Variants in AHCY observed in about 807,000 individuals in gnomAD.
AHCY encodes the protein adenosylhomocysteinase, also known as S-adenosyl-L-homocysteine hydrolase.
AHCY carries 24 observed loss-of-function variants against 45.4 expected under a neutral mutation model. The ratio of observed to expected loss-of-function variants is 0.53; its 90% CI spans 0.38 to 0.74. The LOEUF is 0.74. AHCY is among the 30% of genes least tolerant of loss of function. AHCY has a pLI of 0.00. For missense variants in AHCY, 449 were observed against 594.1 expected, an observed-to-expected ratio of 0.76 and a Z score of 2.54; for synonymous variants, 245 against 235.1, an observed-to-expected ratio of 1.04 and a Z score of -0.39.
chr20:34,241,534 G>T, the AHCY span: 1 of 985,404 alleles, frequency 1.0e-6, no homozygotes, highest in Non-Finnish European at 1.2e-6. Context: ...GAGTGAAGCT[G>T]CTGCTACTTT....
At position 34,290,198 on chromosome 20, in the gene AHCY, GCT is replaced by G; in HGVS notation, c.972+132_972+133del. ...AGGATAAGGTTGCCACGTCTGGCTG[GCT>G]CTGATGCTAGGCCCTCTTCTCCCCA... On this transcript the variant is annotated intron_variant, in intron 8 of 9. Coordinates refer to ENST00000217426, the MANE Select transcript of AHCY (RefSeq NM_000687.4). This position sits in a 1 kb window ranked among gnomAD's most constrained non-coding sequence, Gnocchi z 4.5. 1 of 885,390 alleles carries G rather than the reference GCT, an allele frequency of 1.1e-6. No homozygotes were observed. Among genetic ancestry groups the G allele is most frequent in the Non-Finnish European group, 1.9e-6 (1 of 530,124 alleles). The allele number at this position is 885,390 out of a possible 1,614,324, so 54.8% of individuals were successfully genotyped here.
rs528463763 is a variant in AHCY at position 34,294,274 on chromosome 20, G to A, written c.220-118C>T. ...GGGAGAGGCTTGGGATCTAGGCACA[G>A]CAAGCTCTAGGATCACAGGCTGGGG... On this transcript the variant is annotated intron_variant, in intron 2 of 9. Coordinates refer to ENST00000217426, the MANE Select transcript of AHCY (RefSeq NM_000687.4). The A allele has an allele frequency of 3.3e-6, 3 of 907,656 alleles. No homozygotes were observed. The East Asian group carries it at 7.9e-5, about 24-fold the overall frequency. 56.2% of individuals were successfully genotyped at this position (907,656 alleles called of 1,614,324 possible).
chr20:34,237,845 G>GT, the AHCY span, among the ~76,000 whole-genome samples: 54 of 151,124 alleles, frequency 3.6e-4, no homozygotes, highest in East Asian at 7.8e-4. Context: ...TTTGTGGAGT[G>GT]TTTTTTTTTA....
intron 8 of AHCY, 120 bp from the exon 9 acceptor site, chr20:34,285,754 A>G: frequency 1.9e-6 from 2 of 1,054,432 alleles, no homozygotes; most frequent in Non-Finnish European, 2.8e-6. Context: ...CTGCTCCAAA[A>G]CAACCTCCAG....
upstream of AHCY, among the ~76,000 whole-genome samples, chr20:34,305,159 CAA>C (rs528737503): frequency 1.8e-5 from 2 of 109,348 alleles, no homozygotes; most frequent in South Asian, 3.0e-4. Flanking sequence ...ACTAAAAATA[CAA>C]AAAAAAAAAA....
At chr20:34,275,945 C>T (rs1160463118), downstream of AHCY, among the ~76,000 whole-genome samples, 1 of 152,020 alleles carries the variant, frequency 6.6e-6, no homozygotes, top group Admixed American at 6.6e-5. Context: ...CCCACCTTGG[C>T]CTCCCAAAGT....
chr20:34,308,887 C>A (rs967062891), intron 1 of AHCY, among the ~76,000 whole-genome samples: 5 of 151,290 alleles, frequency 3.3e-5, no homozygotes, highest in Non-Finnish European at 7.4e-5. Flanking sequence ...CTTCTGAGCC[C>A]AGGTGATCTG....
chr20:34,232,300 G>A, the AHCY span, among the ~76,000 whole-genome samples: 2 of 152,202 alleles, frequency 1.3e-5, no homozygotes, highest in Non-Finnish European at 2.9e-5. Flanking sequence ...TCTATAAGAT[G>A]AGGAGGAGCA....
chr20:34,302,105 G>A (rs2036795261), intron 1 of AHCY: 1 of 506,630 alleles, frequency 2.0e-6, no homozygotes, highest in Non-Finnish European at 2.5e-6. Context: ...GGCTCAAACA[G>A]TCCTCCTGCC....
chr20:34,251,874 G>A, the AHCY span, among the ~76,000 whole-genome samples: 4 of 152,066 alleles, frequency 2.6e-5, no homozygotes, highest in African/African-American at 4.8e-5. Flanking sequence ...ACTAGATATC[G>A]AATCTGCCTG....
the AHCY span, among the ~76,000 whole-genome samples, chr20:34,260,038 T>C: frequency 6.6e-6 from 1 of 152,006 alleles, no homozygotes; most frequent in African/African-American, 2.4e-5. Flanking sequence ...TGGGGTCTCC[T>C]GGGGCCACAG....
the AHCY span, among the ~76,000 whole-genome samples, chr20:34,272,416 C>CT: frequency 4.0e-4 from 61 of 152,338 alleles, no homozygotes; most frequent in African/African-American, 1.4e-3. Context: ...AATTCCAACA[C>CT]TATCTACTTG....
chr20:34,264,636 A>G, the AHCY span, among the ~76,000 whole-genome samples: 2 of 152,140 alleles, frequency 1.3e-5, no homozygotes, highest in African/African-American at 4.8e-5. Context: ...TTTCAGACAG[A>G]CAATACATCT....
the AHCY span, among the ~76,000 whole-genome samples, chr20:34,242,150 TG>T: frequency 6.6e-6 from 1 of 152,124 alleles, no homozygotes; most frequent in Admixed American, 6.6e-5. Context: ...AGAGGCTAAA[TG>T]GGATGGCATA....
At chr20:34,261,439 G>A in the AHCY span, among the ~76,000 whole-genome samples, 9 of 152,308 alleles carry the variant, frequency 5.9e-5, no homozygotes, top group Admixed American at 3.9e-4. Flanking sequence ...TTCAAGACCA[G>A]CCTGGTCAAC....
chr20:34,267,373 A>G, the AHCY span, among the ~76,000 whole-genome samples: 2 of 151,106 alleles, frequency 1.3e-5, no homozygotes, highest in Non-Finnish European at 2.9e-5. Context: ...GCAGCGTCCA[A>G]TAGAAATACA....
chr20:34,270,991 T>C, the AHCY span, among the ~76,000 whole-genome samples: 1 of 150,734 alleles, frequency 6.6e-6, no homozygotes, highest in Non-Finnish European at 1.5e-5. Flanking sequence ...TTGTTTGTTT[T>C]GAGAAAGAGT....
the AHCY span, chr20:34,260,218 T>C: frequency 2.7e-6 from 2 of 743,036 alleles, no homozygotes; most frequent in Non-Finnish European, 4.4e-6. Context: ...CCCTTCCCCA[T>C]CCTAAGCCTT....
upstream of AHCY, among the ~76,000 whole-genome samples, chr20:34,305,240 C>T (rs1047898341): frequency 5.3e-5 from 8 of 151,636 alleles, no homozygotes; most frequent in East Asian, 5.9e-4. Context: ...AGGAGAATGG[C>T]GTGAACCCGG....
Sources: gnomAD v4.1 joint callset for allele counts (sites outside exome capture counted in the v4.1 genomes callset) on GRCh38, gnomAD v4.1.1 for gene constraint, Gnocchi (gnomAD v3.1) non-coding constraint, MANE v1.5 for transcripts, NCBI Gene and HGNC (gene_info 2026-07-23, HGNC 2026-07-21) for gene names.